INPP5A: variants seen among roughly 807,000 people sequenced by gnomAD.
The protein encoded by INPP5A is 43 kDa inositol polyphosphate 5-phophatase.
Under a neutral mutation model 65.2 loss-of-function variants are expected in INPP5A, and 14 were observed. That is an observed-to-expected ratio of 0.21 (90% confidence interval 0.14 to 0.34). The LOEUF (loss-of-function observed/expected upper bound fraction) is 0.34. Ranked by LOEUF, INPP5A falls within the 10% of genes least tolerant of loss-of-function variation. INPP5A has a pLI of 1.00. For synonymous variants in INPP5A, 207 were observed against 208.3 expected (o/e 0.99, Z 0.05); for missense variants, 431 against 545.6 (o/e 0.79, Z 2.09).
rs1360609267 is a variant in INPP5A, at chr10:132,704,440, G to A, written c.475-3873G>A. Among the ~76,000 whole-genome samples the A allele has an allele frequency of 1.3e-5, 2 of 152,220 alleles. No individual in the cohort carries two copies. Among genetic ancestry groups the A allele is most frequent in the African/African-American group, 2.4e-5 (1 of 41,454 alleles). ...TGAGCCTCAGTTTCCCTTTCTGGTCGGCCCGAGGGTTGGGTGTGTGCCTGT... is the reference window on the plus strand; with the variant it reads ...TGAGCCTCAGTTTCCCTTTCTGGTCAGCCCGAGGGTTGGGTGTGTGCCTGT... On this transcript the variant is annotated intron_variant, in intron 6 of 15. Coordinates refer to ENST00000368594, the MANE Select transcript of INPP5A (RefSeq NM_005539.5). This position sits in a 1 kb window ranked among gnomAD's most constrained non-coding sequence, Gnocchi z 4.5.
chr10:132,551,428 G>A lies in INPP5A; in HGVS notation c.75+13257G>A, dbSNP rs1457571484. 6.6e-6 allele frequency among the ~76,000 whole-genome samples: 1 copy of A among 152,136 alleles called. No individual in the cohort carries two copies. Among genetic ancestry groups the A allele is most frequent in the African/African-American group, 2.4e-5 (1 of 41,420 alleles). Reference sequence around the variant, plus strand: ...GTGGTCGGGGGACACCGGGCTTCTGGGTCAGCAAGTGTTTGCCATACGCCT... The same window carrying A: ...GTGGTCGGGGGACACCGGGCTTCTGAGTCAGCAAGTGTTTGCCATACGCCT... On this transcript the variant is annotated intron_variant, in intron 1 of 15. Coordinates refer to ENST00000368594, the MANE Select transcript of INPP5A (RefSeq NM_005539.5). The surrounding 1 kb of genome is among the most constrained non-coding windows in gnomAD (Gnocchi z 5.3).
intron 1 of INPP5A, among the ~76,000 whole-genome samples, chr10:132,599,021 C>A (rs550759939): frequency 2.0e-5 from 3 of 152,288 alleles, no homozygotes; most frequent in South Asian, 4.1e-4. Flanking sequence ...CTGGGAGATA[C>A]AATTCAAGTG....
chr10:132,589,283 C>T (rs1360567158), intron 1 of INPP5A, among the ~76,000 whole-genome samples: 1 of 152,244 alleles, frequency 6.6e-6, no homozygotes, highest in Non-Finnish European at 1.5e-5. Flanking sequence ...TGCAGGGCCA[C>T]GTGCGCATGC....
intron 4 of INPP5A, among the ~76,000 whole-genome samples, chr10:132,687,146 T>C (rs1424360520): frequency 6.6e-6 from 1 of 152,210 alleles, no homozygotes; most frequent in Non-Finnish European, 1.5e-5. Flanking sequence ...GGTTTCACCA[T>C]GTTGGCCAGG....
At chr10:132,671,199 T>G (rs1305719677) in intron 4 of INPP5A, among the ~76,000 whole-genome samples, 1 of 152,080 alleles carries the variant, frequency 6.6e-6, no homozygotes, top group African/African-American at 2.4e-5. Flanking sequence ...ATTGGGACAG[T>G]GGGTCACACT....
At chr10:132,638,934 T>C (rs990759285) in intron 2 of INPP5A, among the ~76,000 whole-genome samples, 2 of 152,180 alleles carry the variant, frequency 1.3e-5, no homozygotes, top group Non-Finnish European at 2.9e-5. Flanking sequence ...ATAAGTTACA[T>C]ATATATATGA....
intron 1 of INPP5A, among the ~76,000 whole-genome samples, chr10:132,548,954 C>T (rs575870029): frequency 1.3e-5 from 2 of 152,170 alleles, no homozygotes; most frequent in East Asian, 3.9e-4. Flanking sequence ...GGCCACCATG[C>T]CAGGCTTTTA....
chr10:132,654,175 G>A (rs1354911984), intron 4 of INPP5A, among the ~76,000 whole-genome samples: 3 of 152,330 alleles, frequency 2.0e-5, no homozygotes, highest in African/African-American at 7.2e-5. Flanking sequence ...GCCTGCTCTC[G>A]GGGAACTGTG....
rs1450659314 is a variant in INPP5A, at chr10:132,704,121, G to A, written c.475-4192G>A. ...GCATCTGGTTCCCAAAGCATGTCAGGCCCCCCAGTCCCCCCAGACAGGAGG... is the reference window on the plus strand; with the variant it reads ...GCATCTGGTTCCCAAAGCATGTCAGACCCCCCAGTCCCCCCAGACAGGAGG... On this transcript the variant is annotated intron_variant, in intron 6 of 15. Coordinates refer to ENST00000368594, the MANE Select transcript of INPP5A (RefSeq NM_005539.5). The surrounding 1 kb of genome is among the most constrained non-coding windows in gnomAD (Gnocchi z 4.5). 7.9e-5 allele frequency among the ~76,000 whole-genome samples: 12 copies of A among 151,870 alleles called. No homozygotes were observed. Among genetic ancestry groups the A allele is most frequent in the Admixed American group, 7.9e-4 (12 of 15,256 alleles).
chr10:132,641,978 C>T (rs2072431937), intron 2 of INPP5A, among the ~76,000 whole-genome samples: 1 of 152,210 alleles, frequency 6.6e-6, no homozygotes, highest in Admixed American at 6.5e-5. Flanking sequence ...CAGCAGGGCT[C>T]CCCAGTGTGG....
At chr10:132,729,071 C>G (rs1339965150) in intron 9 of INPP5A, among the ~76,000 whole-genome samples, 15 of 151,292 alleles carry the variant, frequency 9.9e-5, no homozygotes, top group Admixed American at 9.2e-4. Flanking sequence ...CCGCTGTGGT[C>G]TCAGCAGGCG....
intron 9 of INPP5A, among the ~76,000 whole-genome samples, chr10:132,733,986 A>G (rs558228712): frequency 1.3e-4 from 20 of 152,318 alleles, no homozygotes; most frequent in African/African-American, 4.8e-4. Flanking sequence ...TCCTCAGCAC[A>G]CAGATCCTGT....
Position 132,628,947 on chromosome 10 carries a change from A to G in INPP5A, c.118-16921A>G, listed in dbSNP as rs138527720. Among the ~76,000 whole-genome samples the G allele has an allele frequency of 5.2e-3, 791 of 152,336 alleles. 5 individuals carry two copies. Among genetic ancestry groups the G allele is most frequent in the African/African-American group, 0.018 (752 of 41,568 alleles). ...AATGTTATCATTTCAACATATAATCAGTATACAGTTATTAATGAGACATGT... is the reference window on the plus strand; with the variant it reads ...AATGTTATCATTTCAACATATAATCGGTATACAGTTATTAATGAGACATGT... On this transcript the variant is annotated intron_variant, in intron 2 of 15. Coordinates refer to ENST00000368594, the MANE Select transcript of INPP5A (RefSeq NM_005539.5).
chr10:132,702,050 G>A (rs987779174), intron 6 of INPP5A, among the ~76,000 whole-genome samples: 5 of 152,256 alleles, frequency 3.3e-5, no homozygotes, highest in East Asian at 1.9e-4. Context: ...GCCACGGGCC[G>A]TGGAAGTGTC....
intron 8 of INPP5A, among the ~76,000 whole-genome samples, chr10:132,717,217 A>G (rs928263094): frequency 6.6e-6 from 1 of 151,818 alleles, no homozygotes; most frequent in Non-Finnish European, 1.5e-5. Flanking sequence ...TTACAAGGAC[A>G]CCCTTCCTCT....
rs1040329721 is a variant in INPP5A at position 132,678,657 on chromosome 10, G to C, written c.307-11735G>C. Among the ~76,000 whole-genome samples the C allele has an allele frequency of 6.6e-6, 1 of 152,184 alleles. No homozygotes were observed. Among genetic ancestry groups the C allele is most frequent in the Non-Finnish European group, 1.5e-5 (1 of 68,042 alleles). ...CTGCCTGCCGTGACCTGGGCATTGT[G>C]GTGGAGGACTCAGAGGCGCCCAGGC... On this transcript the variant is annotated intron_variant, in intron 4 of 15. Transcript: ENST00000368594. This position sits in a 1 kb window ranked among gnomAD's most constrained non-coding sequence, Gnocchi z 4.1.
intron 1 of INPP5A, among the ~76,000 whole-genome samples, chr10:132,568,320 C>T (rs531432898): frequency 3.3e-5 from 5 of 151,898 alleles, no homozygotes; most frequent in Non-Finnish European, 5.9e-5. Context: ...CCATGTGTAT[C>T]GATAGCGAAG....
chr10:132,615,631 A>G (rs1457531405), intron 2 of INPP5A, among the ~76,000 whole-genome samples: 1 of 152,222 alleles, frequency 6.6e-6, no homozygotes, highest in African/African-American at 2.4e-5. Flanking sequence ...CTGGTGAAGC[A>G]GCTGGGCAGG....
Position 132,629,356 on chromosome 10 carries a change from T to C in INPP5A, c.118-16512T>C, listed in dbSNP as rs113940809. ...CGCCTGCTCAACTTCAGGTGACGAA[T>C]GGCCCCATCCTCTCGAGCCAGGGCC... On this transcript the variant is annotated intron_variant, in intron 2 of 15. Coordinates refer to ENST00000368594, the MANE Select transcript of INPP5A (RefSeq NM_005539.5). Among the ~76,000 whole-genome samples the C allele has an allele frequency of 3.8e-3, 580 of 152,356 alleles. 3 individuals carry two copies. Among genetic ancestry groups the C allele is most frequent in the African/African-American group, 0.013 (541 of 41,590 alleles).
Sources: allele counts gnomAD v4.1 joint callset (sites outside exome capture counted in the v4.1 genomes callset), GRCh38; gene constraint gnomAD v4.1.1; non-coding constraint Gnocchi (gnomAD v3.1); transcripts MANE v1.5; gene names NCBI Gene and HGNC (gene_info 2026-07-23, HGNC 2026-07-21).